The following VWA8 variants were observed in gnomAD, a reference collection of about 807,000 sequenced individuals.
VWA8 encodes the protein von Willebrand factor A domain-containing protein 8.
VWA8 carries 221 observed loss-of-function variants against 241.5 expected under a neutral mutation model. The observed-to-expected ratio is 0.91, with a 90% CI of 0.82 to 1.02. The LOEUF (loss-of-function observed/expected upper bound fraction) is 1.02, where lower values mean the gene tolerates loss of function less well. Ranked by LOEUF, VWA8 falls within the 50% of genes least tolerant of loss-of-function variation. The pLI is 0.00. For synonymous variants in VWA8, 852 were observed against 827.1 expected (o/e 1.03, Z -0.52); for missense variants, 2,322 against 2,328.7 (o/e 1.00, Z 0.06).
chr13:41,656,781 C>G (rs780678281), intron 37 of VWA8, among the ~76,000 whole-genome samples: 3 of 152,142 alleles, frequency 2.0e-5, no homozygotes, highest in Non-Finnish European at 2.9e-5. Context: ...CCAAGAAGTC[C>G]TAACTTAGAG....
chr13:41,689,640 T>C (rs948112252), intron 33 of VWA8, 132 bp from the exon 34 acceptor site: 9 of 905,368 alleles, frequency 9.9e-6, no homozygotes, highest in Non-Finnish European at 1.4e-5. Flanking sequence ...TAAATTACAT[T>C]CATGGGCTTT....
At chr13:41,795,714 T>C (rs1253264800) in intron 17 of VWA8, among the ~76,000 whole-genome samples, 2 of 152,220 alleles carry the variant, frequency 1.3e-5, no homozygotes, top group African/African-American at 2.4e-5. Context: ...AAACACCACA[T>C]GTTCTCACTT....
At chr13:41,586,967 C>G (rs1399532448) in intron 42 of VWA8, among the ~76,000 whole-genome samples, 1 of 152,108 alleles carries the variant, frequency 6.6e-6, no homozygotes, top group African/African-American at 2.4e-5. Flanking sequence ...CATTGGGGGT[C>G]CCTTCACCAT....
Position 41,568,304 on chromosome 13 carries a change from G to A in VWA8, c.5611C>T (p.Leu1871Phe). ...CGACCAGCTGGTAAAGTTCTCTGAA[G>A]CCTGCCAGGATGGAAAGGGAAAGGA... ...IGSLGDQATRLQRTLPAGRSF... is the reference protein window; with the variant it reads ...IGSLGDQATRFQRTLPAGRSF... The change falls in exon 45 of 45, where the codon CTT (leucine) becomes TTT (phenylalanine). Residue 1871 changes from leucine to phenylalanine, a missense_variant and splice_region_variant. Coordinates refer to ENST00000379310, the MANE Select transcript of VWA8 (RefSeq NM_015058.2). 6.2e-7 allele frequency: 1 copy of A among 1,613,904 alleles called. No homozygotes were observed. Among genetic ancestry groups the A allele is most frequent in the Non-Finnish European group, 8.5e-7 (1 of 1,179,786 alleles).
At chr13:41,764,324 C>T (rs567894647) in intron 20 of VWA8, among the ~76,000 whole-genome samples, 187 of 152,170 alleles carry the variant, frequency 1.2e-3, no homozygotes, top group Non-Finnish European at 2.2e-3. Context: ...CCAACATTTT[C>T]TCCCTCCCTC....
chr13:41,758,370 ATATATATATATATATATATATACGCTAG>A (rs1486772384), intron 21 of VWA8, among the ~76,000 whole-genome samples: 170 of 4,020 alleles, frequency 0.042, 8 homozygotes, highest in Middle Eastern at 0.17. Flanking sequence ...AGATACTAGC[ATATATATATATATATATATATACGCTAG>A]TATATATATA....
intron 17 of VWA8, among the ~76,000 whole-genome samples, chr13:41,791,744 A>G (rs1224130981): frequency 6.6e-6 from 1 of 151,848 alleles, no homozygotes; most frequent in African/African-American, 2.4e-5. Context: ...GACTGTTGTA[A>G]ATTATTTTAT....
intron 1 of VWA8, among the ~76,000 whole-genome samples, chr13:41,953,739 G>A (rs558814366): frequency 6.6e-5 from 10 of 152,290 alleles, no homozygotes; most frequent in African/African-American, 2.4e-4. Context: ...AACCAGGGAG[G>A]CGGAGGTTGC....
chr13:41,676,816 A>G (rs1297038303), intron 35 of VWA8, among the ~76,000 whole-genome samples: 4 of 152,058 alleles, frequency 2.6e-5, no homozygotes, highest in African/African-American at 9.7e-5. Flanking sequence ...TATTTTTAGT[A>G]GAGACGGGGT....
At chr13:41,658,645 T>C (rs1046625864) in intron 37 of VWA8, among the ~76,000 whole-genome samples, 7 of 152,318 alleles carry the variant, frequency 4.6e-5, no homozygotes, top group Middle Eastern at 3.4e-3. Context: ...TCAGCCAGTC[T>C]CCAACAACTC....
At chr13:41,591,096 A>G (rs1026459771) in intron 40 of VWA8, among the ~76,000 whole-genome samples, 1 of 152,228 alleles carries the variant, frequency 6.6e-6, no homozygotes, top group Non-Finnish European at 1.5e-5. Flanking sequence ...AAAGTTTATT[A>G]GTTAAAATAA....
chr13:41,936,529 A>G (rs1877359933), intron 2 of VWA8, among the ~76,000 whole-genome samples: 1 of 152,136 alleles, frequency 6.6e-6, no homozygotes, highest in Admixed American at 6.5e-5. Context: ...AATGTCTTTA[A>G]TGGTGACTAA....
At chr13:41,657,891 T>A (rs892732725) in intron 37 of VWA8, among the ~76,000 whole-genome samples, 1 of 152,214 alleles carries the variant, frequency 6.6e-6, no homozygotes, top group Non-Finnish European at 1.5e-5. Context: ...AGGATTAGAA[T>A]GAGCATAAAG....
intron 37 of VWA8, among the ~76,000 whole-genome samples, chr13:41,617,467 G>T (rs1460090211): frequency 6.6e-6 from 1 of 151,932 alleles, no homozygotes; most frequent in East Asian, 1.9e-4. Flanking sequence ...TAATCATAAA[G>T]ACACAATTTA....
intron 2 of VWA8, among the ~76,000 whole-genome samples, chr13:41,917,311 A>G (rs187823928): frequency 9.2e-5 from 14 of 152,284 alleles, no homozygotes; most frequent in African/African-American, 3.1e-4. Flanking sequence ...TGGAGGAAAA[A>G]AAAAAGTCTT....
At chr13:41,645,617 A>AGAGGTGG (rs1483593970) in intron 37 of VWA8, among the ~76,000 whole-genome samples, 1 of 152,184 alleles carries the variant, frequency 6.6e-6, no homozygotes, top group Non-Finnish European at 1.5e-5. Flanking sequence ...CAGTTGCAAA[A>AGAGGTGG]GAGGTGGCAT....
At chr13:41,868,616 G>A in intron 9 of VWA8, 139 bp from the exon 10 acceptor site, 1 of 1,083,930 alleles carries the variant, frequency 9.2e-7, no homozygotes, top group Non-Finnish European at 1.3e-6. Flanking sequence ...CAAGGGCGGT[G>A]GCTCAGGCCT....
At chr13:41,935,578 C>T (rs1877310573) in intron 2 of VWA8, among the ~76,000 whole-genome samples, 1 of 151,924 alleles carries the variant, frequency 6.6e-6, no homozygotes, top group Non-Finnish European at 1.5e-5. Context: ...TACATACTTA[C>T]TATAATTTTA....
intron 40 of VWA8, among the ~76,000 whole-genome samples, chr13:41,591,671 T>C (rs1282580511): frequency 6.7e-6 from 1 of 150,148 alleles, no homozygotes; most frequent in Non-Finnish European, 1.5e-5. Flanking sequence ...GAACAGACAC[T>C]TCTCAAAAGA....
Sources: allele counts gnomAD v4.1 joint callset (sites outside exome capture counted in the v4.1 genomes callset), GRCh38; gene constraint gnomAD v4.1.1; transcripts MANE v1.5; gene names NCBI Gene and HGNC (gene_info 2026-07-23, HGNC 2026-07-21).